The following FLI1 variants were observed in gnomAD, a reference collection of about 807,000 sequenced individuals.
The protein encoded by FLI1 is Fli-1 proto-oncogene, ETS transcription factor, also known as Friend leukemia integration 1 transcription factor.
Under a neutral mutation model 53.1 loss-of-function variants are expected in FLI1, and 13 were observed. That is an observed-to-expected ratio of 0.24 (90% CI 0.16 to 0.39). The LOEUF is 0.39. FLI1 is among the 10% of genes least tolerant of loss of function. The probability of loss-of-function intolerance (pLI) is 1.00; values close to 1 mark genes in which losing one functional copy is unlikely to be tolerated. For synonymous variants in FLI1, 244 were observed against 236.7 expected, an observed-to-expected ratio of 1.03 and a Z score of -0.28; for missense variants, 424 against 600.5, an observed-to-expected ratio of 0.71 and a Z score of 3.07.
chr11:128,805,149 C>T, intron 5 of FLI1: 1 of 426,470 alleles, frequency 2.3e-6, no homozygotes, highest in Non-Finnish European at 4.1e-6. Context: ...AGGGTTCTTC[C>T]CATTACTTTG....
In FLI1 at chr11:128,789,906, G is replaced by A. The variant is rs1311217339; in HGVS notation, c.655+7883G>A. Among the ~76,000 whole-genome samples the A allele has an allele frequency of 2.6e-5, 4 of 152,132 alleles. No individual in the cohort carries two copies. The East Asian group carries it at 5.8e-4, about 22-fold the overall frequency. On this transcript the variant is annotated intron_variant, in intron 5 of 8. Transcript: ENST00000527786. The stretch of plus-strand genomic sequence containing the variant: ...GTGTGGCCCCACAGGCCCCATCTAC[G>A]TCAGCTCACACACACTTCAAATTGG...
intron 2 of FLI1, among the ~76,000 whole-genome samples, chr11:128,761,258 T>C (rs907285563): frequency 6.6e-6 from 1 of 152,174 alleles, no homozygotes; most frequent in Non-Finnish European, 1.5e-5. Flanking sequence ...TATGACTCTC[T>C]CCCTCACGAG....
chr11:128,703,287 A>G (rs1938415624), intron 1 of FLI1, among the ~76,000 whole-genome samples: 1 of 152,316 alleles, frequency 6.6e-6, no homozygotes, highest in East Asian at 1.9e-4. Flanking sequence ...TGAGAAGTTA[A>G]CTATTTACAC....
At chr11:128,748,243 T>C (rs931704843) in intron 1 of FLI1, 20 of 983,994 alleles carry the variant, frequency 2.0e-5, no homozygotes, top group Non-Finnish European at 2.2e-5. Flanking sequence ...CTAGGAATTC[T>C]TTCTCTGGGT....
At chr11:128,720,943 A>G (rs893968661) in intron 1 of FLI1, among the ~76,000 whole-genome samples, 7 of 152,060 alleles carry the variant, frequency 4.6e-5, no homozygotes, top group East Asian at 1.9e-4. Context: ...CCTCTGTGCA[A>G]CAGAAGCCGC....
At chr11:128,809,304 A>T (rs938382041) in intron 8 of FLI1, 100 bp downstream of exon 8, 1 of 961,056 alleles carries the variant, frequency 1.0e-6, no homozygotes, top group Admixed American at 1.8e-5. Flanking sequence ...CTGAGTGGGG[A>T]GTAACATGCA....
At chr11:128,686,423 T>A (rs756490157), upstream of FLI1, 1 of 456,112 alleles carries the variant, frequency 2.2e-6, no homozygotes, top group Non-Finnish European at 4.4e-6. Flanking sequence ...GTTCTCACCG[T>A]CCCCTGGCCT....
intron 1 of FLI1, among the ~76,000 whole-genome samples, chr11:128,718,661 T>A (rs1462326944): frequency 3.9e-5 from 6 of 152,218 alleles, no homozygotes; most frequent in South Asian, 2.1e-4. Flanking sequence ...TGGTTTGGGT[T>A]TTTTTAGCTT....
At chr11:128,764,071 TC>T (rs1485279565) in intron 2 of FLI1, among the ~76,000 whole-genome samples, 11 of 152,162 alleles carry the variant, frequency 7.2e-5, no homozygotes, top group African/African-American at 2.4e-4. Context: ...ACATCAGGTA[TC>T]CTTTGACAGT....
At chr11:128,802,683 T>C (rs990222943) in intron 5 of FLI1, among the ~76,000 whole-genome samples, 16 of 152,340 alleles carry the variant, frequency 1.1e-4, no homozygotes, top group East Asian at 7.7e-4. Context: ...TGTGGGCACA[T>C]TGACCCATAA....
chr11:128,695,052 CTCCTGGA>C (rs1937991671), intron 1 of FLI1, among the ~76,000 whole-genome samples: 3 of 151,934 alleles, frequency 2.0e-5, no homozygotes, highest in Non-Finnish European at 4.4e-5. Context: ...AGGACCAGGG[CTCCTGGA>C]GCTGTCGCCT....
At chr11:128,741,443 T>G (rs940110737) in intron 1 of FLI1, among the ~76,000 whole-genome samples, 1 of 152,150 alleles carries the variant, frequency 6.6e-6, no homozygotes, top group Non-Finnish European at 1.5e-5. Flanking sequence ...CTGCCTACGG[T>G]GACTCTTCAG....
intron 3 of FLI1, among the ~76,000 whole-genome samples, chr11:128,770,890 C>T (rs1314932981): frequency 6.6e-6 from 1 of 152,190 alleles, no homozygotes; most frequent in African/African-American, 2.4e-5. Context: ...GGAAGACATA[C>T]TTGTACAATG....
intron 1 of FLI1, among the ~76,000 whole-genome samples, chr11:128,687,480 C>A (rs967118845): frequency 2.0e-5 from 3 of 152,110 alleles, no homozygotes; most frequent in African/African-American, 7.2e-5. Flanking sequence ...AAGCTTAGGA[C>A]CATCTGAGTC....
intron 1 of FLI1, among the ~76,000 whole-genome samples, chr11:128,707,336 C>A (rs1013090702): frequency 1.2e-4 from 18 of 152,278 alleles, no homozygotes; most frequent in Middle Eastern, 3.4e-3. Context: ...ACACATTGGT[C>A]GAAGGGCACA....
At chr11:128,797,251 AC>A (rs1942470354) in intron 5 of FLI1, among the ~76,000 whole-genome samples, 1 of 152,202 alleles carries the variant, frequency 6.6e-6, no homozygotes, top group Non-Finnish European at 1.5e-5. Flanking sequence ...GGTTCATCTC[AC>A]CTTTTACTAT....
intron 5 of FLI1, among the ~76,000 whole-genome samples, chr11:128,798,598 G>T (rs1942514945): frequency 1.3e-5 from 2 of 152,268 alleles, no homozygotes; most frequent in East Asian, 3.9e-4. Context: ...GGGGCTGTTG[G>T]ATTCCAGGAC....
intron 4 of FLI1, among the ~76,000 whole-genome samples, chr11:128,776,647 T>C (rs1941736612): frequency 6.6e-6 from 1 of 152,158 alleles, no homozygotes; most frequent in Non-Finnish European, 1.5e-5. Flanking sequence ...CGAGGCTCTG[T>C]CTTCAGAGGA....
At chr11:128,807,367 A>G (rs1225043867) in intron 7 of FLI1, 128 bp downstream of exon 7, 4 of 545,920 alleles carry the variant, frequency 7.3e-6, no homozygotes, top group Admixed American at 3.9e-5. Flanking sequence ...AAGAGGGTCT[A>G]TCTTTGACCC....
Sources: allele counts gnomAD v4.1 joint callset (sites outside exome capture counted in the v4.1 genomes callset), GRCh38; gene constraint gnomAD v4.1.1; transcripts MANE v1.5; gene names NCBI Gene and HGNC (gene_info 2026-07-23, HGNC 2026-07-21).